The following PARVA variants were observed in gnomAD, a reference collection of about 807,000 sequenced individuals.
The protein encoded by PARVA is alpha-parvin.
A neutral mutation model predicts 52.6 loss-of-function variants in PARVA; 25 were observed. The ratio of observed to expected loss-of-function variants is 0.48; its 90% CI spans 0.35 to 0.66. The LOEUF (loss-of-function observed/expected upper bound fraction) is 0.66, where lower values mean the gene tolerates loss of function less well. PARVA is among the 30% of genes least tolerant of loss of function. The pLI, the probability that PARVA is intolerant of heterozygous loss-of-function variation, is 0.01. For synonymous variants in PARVA, 185 were observed against 179.1 expected, an observed-to-expected ratio of 1.03 and a Z score of -0.26; for missense variants, 373 against 450.9, an observed-to-expected ratio of 0.83 and a Z score of 1.56.
Position 12,377,793 on chromosome 11 carries a change from G to T in PARVA, c.136+10G>T, listed in dbSNP as rs1353169264. On this transcript the variant is annotated intron_variant, in intron 1 of 12. Transcript: ENST00000334956. Reference sequence around the variant, plus strand: ...AAGAAAGCCAAGGAGGGTGAGTGCGGCCAGGCCGGCCGGGCGGGCGGTAGG... The same window carrying T: ...AAGAAAGCCAAGGAGGGTGAGTGCGTCCAGGCCGGCCGGGCGGGCGGTAGG... 4.0e-6 allele frequency: 6 copies of T among 1,481,762 alleles called. No individual in the cohort carries two copies. Among genetic ancestry groups the T allele is most frequent in the Non-Finnish European group, 5.4e-6 (6 of 1,117,570 alleles). The allele number at this position is 1,481,762 out of a possible 1,614,324, so 91.8% of individuals were successfully genotyped here.
chr11:12,466,278 T>A (rs1940852560), intron 1 of PARVA, among the ~76,000 whole-genome samples: 1 of 152,008 alleles, frequency 6.6e-6, no homozygotes, highest in Admixed American at 6.6e-5. Context: ...TAACAGTATC[T>A]TTTGTAGAGT....
intron 1 of PARVA, among the ~76,000 whole-genome samples, chr11:12,451,281 C>T (rs1236922953): frequency 1.3e-5 from 2 of 152,178 alleles, no homozygotes; most frequent in African/African-American, 2.4e-5. Context: ...AGGAGAGCAT[C>T]TCATCTCTAG....
At chr11:12,399,388 A>G (rs1374773538) in intron 1 of PARVA, among the ~76,000 whole-genome samples, 2 of 152,206 alleles carry the variant, frequency 1.3e-5, no homozygotes, top group African/African-American at 2.4e-5. Flanking sequence ...TGTGACTACT[A>G]TGCAGCTTGT....
intron 4 of PARVA, among the ~76,000 whole-genome samples, chr11:12,485,953 C>A (rs1471468603): frequency 6.6e-6 from 1 of 152,128 alleles, no homozygotes; most frequent in Non-Finnish European, 1.5e-5. Context: ...GTGTGAAAAA[C>A]CATCACAGAA....
At chr11:12,385,455 A>G (rs1364970840) in intron 1 of PARVA, among the ~76,000 whole-genome samples, 1 of 152,224 alleles carries the variant, frequency 6.6e-6, no homozygotes, top group Non-Finnish European at 1.5e-5. Flanking sequence ...AATACAGCAG[A>G]TCTTGATGAA....
chr11:12,387,019 C>T (rs906030899), intron 1 of PARVA, among the ~76,000 whole-genome samples: 1 of 152,210 alleles, frequency 6.6e-6, no homozygotes, highest in African/African-American at 2.4e-5. Context: ...TTAACAAGCA[C>T]AGTTCATAAT....
chr11:12,426,845 AG>A (rs1421803377), intron 1 of PARVA, among the ~76,000 whole-genome samples: 1 of 152,170 alleles, frequency 6.6e-6, no homozygotes, highest in Non-Finnish European at 1.5e-5. Flanking sequence ...CTCTTTCAGC[AG>A]TCCAGGTAAG....
chr11:12,474,118 G>A (rs1940972623), intron 3 of PARVA, 135 bp downstream of exon 3: 1 of 704,826 alleles, frequency 1.4e-6, no homozygotes, highest in Non-Finnish European at 2.5e-6. Context: ...CTCAGGCAGT[G>A]AGTTGTCTAG....
chr11:12,511,478 A>G, intron 7 of PARVA, 36 bp from the exon 8 acceptor site: 1 of 1,608,496 alleles, frequency 6.2e-7, no homozygotes, highest in Non-Finnish European at 8.5e-7. Flanking sequence ...GGGACAAGAG[A>G]AGAGTCACAC....
chr11:12,510,872 C>G (rs1365745902), intron 7 of PARVA, among the ~76,000 whole-genome samples: 2 of 152,160 alleles, frequency 1.3e-5, no homozygotes, highest in Non-Finnish European at 2.9e-5. Flanking sequence ...ACAGCCAAAC[C>G]ATATCAGTCA....
chr11:12,423,323 C>G (rs1328355684), intron 1 of PARVA, among the ~76,000 whole-genome samples: 1 of 148,338 alleles, frequency 6.7e-6, no homozygotes, highest in Non-Finnish European at 1.5e-5. Flanking sequence ...GGACCACAGG[C>G]GTGCGCCACC....
At chr11:12,527,424 T>C (rs534063598) in intron 12 of PARVA, among the ~76,000 whole-genome samples, 4 of 152,320 alleles carry the variant, frequency 2.6e-5, no homozygotes, top group African/African-American at 9.6e-5. Flanking sequence ...GGAACCTGTC[T>C]GTCCCCCATG....
intron 7 of PARVA, among the ~76,000 whole-genome samples, chr11:12,508,907 C>A (rs1306011354): frequency 6.6e-6 from 1 of 151,944 alleles, no homozygotes; most frequent in Non-Finnish European, 1.5e-5. Flanking sequence ...AAAAAGTGTG[C>A]CCAAAAAAAG....
intron 7 of PARVA, among the ~76,000 whole-genome samples, chr11:12,509,309 G>T (rs1435319709): frequency 6.6e-6 from 1 of 152,142 alleles, no homozygotes; most frequent in African/African-American, 2.4e-5. Flanking sequence ...GAGCAGCATA[G>T]TGCAAAGAGC....
chr11:12,455,760 CT>C (rs1940686350), intron 1 of PARVA, among the ~76,000 whole-genome samples: 1 of 151,944 alleles, frequency 6.6e-6, no homozygotes, highest in Non-Finnish European at 1.5e-5. Context: ...CATTTTTTTT[CT>C]GCTTCTTGCC....
At chr11:12,443,086 C>G (rs1940491112) in intron 1 of PARVA, among the ~76,000 whole-genome samples, 1 of 150,420 alleles carries the variant, frequency 6.6e-6, no homozygotes, top group South Asian at 2.1e-4. Context: ...TGGTCTTGAT[C>G]TCCTGATCTT....
intron 1 of PARVA, among the ~76,000 whole-genome samples, chr11:12,404,687 C>T (rs1044501184): frequency 9.2e-5 from 14 of 152,142 alleles, no homozygotes; most frequent in Non-Finnish European, 1.8e-4. Context: ...TAGGGTAGCG[C>T]GGGTGGCCCT....
chr11:12,451,579 A>G (rs2135014624), intron 1 of PARVA, among the ~76,000 whole-genome samples: 1 of 152,294 alleles, frequency 6.6e-6, no homozygotes, highest in South Asian at 2.1e-4. Flanking sequence ...TATGATTATG[A>G]ATGACAGTAA....
intron 1 of PARVA, among the ~76,000 whole-genome samples, chr11:12,471,745 G>A (rs80145403): frequency 0.091 from 13,933 of 152,280 alleles, 801 homozygotes; most frequent in South Asian, 0.18. Flanking sequence ...AATGTGGTTG[G>A]TGCAGCTACG....
Sources: allele counts gnomAD v4.1 joint callset (sites outside exome capture counted in the v4.1 genomes callset), GRCh38; gene constraint gnomAD v4.1.1; transcripts MANE v1.5; gene names NCBI Gene and HGNC (gene_info 2026-07-23, HGNC 2026-07-21).